Variants in GRIN3A observed in about 807,000 individuals in gnomAD.
The protein encoded by GRIN3A is glutamate receptor ionotropic, NMDA 3A.
GRIN3A carries 47 observed loss-of-function variants against 92.4 expected under a neutral mutation model. The ratio of observed to expected loss-of-function variants is 0.51; its 90% CI spans 0.40 to 0.65. GRIN3A has a LOEUF of 0.65. GRIN3A is among the 30% of genes least tolerant of loss of function. The pLI is 0.00. For missense variants in GRIN3A, 1,324 were observed against 1,393.1 expected, an observed-to-expected ratio of 0.95 and a Z score of 0.79; for synonymous variants, 527 against 540.6, an observed-to-expected ratio of 0.97 and a Z score of 0.35.
chr9:101,695,135 C>A (rs1261068346), intron 1 of GRIN3A, among the ~76,000 whole-genome samples: 1 of 152,084 alleles, frequency 6.6e-6, no homozygotes, highest in East Asian at 1.9e-4. Context: ...CAGTCATACC[C>A]AGAAAGTGTT....
At chr9:101,611,957 G>T (rs995247743) in intron 6 of GRIN3A, among the ~76,000 whole-genome samples, 6 of 152,224 alleles carry the variant, frequency 3.9e-5, no homozygotes, top group Non-Finnish European at 8.8e-5. Context: ...AACAGCCTGT[G>T]CAGGGAAGCC....
At chr9:101,613,279 A>C (rs1319895620) in intron 6 of GRIN3A, 97 bp downstream of exon 6, 6 of 1,272,074 alleles carry the variant, frequency 4.7e-6, no homozygotes, top group Middle Eastern at 2.4e-4. Context: ...TAGTAAATGC[A>C]ATAACCTAGA....
chr9:101,672,848 C>G (rs796378795), intron 2 of GRIN3A, among the ~76,000 whole-genome samples: 7 of 152,198 alleles, frequency 4.6e-5, no homozygotes, highest in African/African-American at 1.7e-4. Flanking sequence ...GAAGTCTCAG[C>G]TATCTTAGAT....
chr9:101,606,164 A>G (rs1028484051), intron 6 of GRIN3A, among the ~76,000 whole-genome samples: 4 of 152,206 alleles, frequency 2.6e-5, no homozygotes, highest in Non-Finnish European at 5.9e-5. Flanking sequence ...ACTCTCAGAC[A>G]GTTGGGTTGC....
intron 1 of GRIN3A, among the ~76,000 whole-genome samples, chr9:101,688,909 A>G (rs757211382): frequency 2.0e-5 from 3 of 152,166 alleles, no homozygotes; most frequent in African/African-American, 7.2e-5. Flanking sequence ...TAGTGACAAG[A>G]TCAGATGTGA....
At chr9:101,685,388 G>A in intron 2 of GRIN3A, among the ~76,000 whole-genome samples, 1 of 147,142 alleles carries the variant, frequency 6.8e-6, no homozygotes, top group East Asian at 2.0e-4. Context: ...GAAGTTATGA[G>A]TTTGCCTTGT....
intron 2 of GRIN3A, among the ~76,000 whole-genome samples, chr9:101,682,574 C>G (rs1176200120): frequency 6.6e-6 from 1 of 152,226 alleles, no homozygotes; most frequent in Non-Finnish European, 1.5e-5. Flanking sequence ...GTCTACCCGA[C>G]CATAGTTCAA....
intron 1 of GRIN3A, among the ~76,000 whole-genome samples, chr9:101,703,849 G>A (rs994296920): frequency 1.7e-4 from 26 of 151,908 alleles, no homozygotes; most frequent in African/African-American, 6.0e-4. Flanking sequence ...TGTCTTTTTG[G>A]CTGCCTCTGT....
chr9:101,658,760 G>GTCTATCTATCTATCTA (rs60257626), intron 3 of GRIN3A, among the ~76,000 whole-genome samples: 2,132 of 151,446 alleles, frequency 0.014, 36 homozygotes, highest in East Asian at 0.067. Context: ...CTGTCTATCT[G>GTCTATCTATCTATCTA]TCTATCTATC....
chr9:101,672,394 C>A (rs4266702), intron 2 of GRIN3A, among the ~76,000 whole-genome samples: 29,322 of 151,992 alleles, frequency 0.19, 3,190 homozygotes, highest in Non-Finnish European at 0.25. Flanking sequence ...AATTTTAATA[C>A]AATTTTAAAA....
chr9:101,638,712 A>C (rs12684278), intron 3 of GRIN3A, among the ~76,000 whole-genome samples: 2 of 152,356 alleles, frequency 1.3e-5, no homozygotes, highest in East Asian at 3.9e-4. Context: ...ACCAACTTCT[A>C]TAAGTTTATG....
At chr9:101,660,131 A>G (rs990254473) in intron 3 of GRIN3A, among the ~76,000 whole-genome samples, 21 of 151,800 alleles carry the variant, frequency 1.4e-4, no homozygotes, top group African/African-American at 5.1e-4. Flanking sequence ...ATATACCACC[A>G]GGGATCCAAA....
rs1388821911 is a variant in GRIN3A, at chr9:101,670,101, C to T, written c.2311G>A (p.Glu771Lys). 4.3e-6 allele frequency: 7 copies of T among 1,613,828 alleles called. No homozygotes were observed. Among genetic ancestry groups the T allele is most frequent in the Non-Finnish European group, 5.9e-6 (7 of 1,179,844 alleles). ...CCAGAAAGCTCTTCATAGATCTTCT[C>T]ACCTACCATGACAGCAGCCAAGTTT... ...TANLAAVMVG[E>K]KIYEELSGIH... The change falls in exon 3 of 9, where the codon GAG becomes AAG. Residue 771 changes from glutamate to lysine, a missense_variant. Physicochemically the swap from Glu to Lys is moderately conservative, Grantham distance 56. Transcript: ENST00000361820.
chr9:101,654,353 T>G (rs1201357224), intron 3 of GRIN3A, among the ~76,000 whole-genome samples: 2 of 149,872 alleles, frequency 1.3e-5, no homozygotes, highest in Non-Finnish European at 3.0e-5. Context: ...CTTTATATTT[T>G]CCATTATATA....
At chr9:101,733,487 C>T (rs918604407) in intron 1 of GRIN3A, among the ~76,000 whole-genome samples, 5 of 152,130 alleles carry the variant, frequency 3.3e-5, no homozygotes, top group Non-Finnish European at 5.9e-5. Context: ...CAATTAGATG[C>T]GACTATCAGC....
chr9:101,673,605 A>G lies in GRIN3A; in HGVS notation c.1305-2498T>C, dbSNP rs538736941. On this transcript the variant is annotated intron_variant, in intron 2 of 8. Transcript: ENST00000361820. ...ATGGAATGACAATGCATAGCAAAAT[A>G]TAAATGCTCACTAAATTAGTTAAAA... Among the ~76,000 whole-genome samples, 18 of 152,296 alleles carry G rather than the reference A, an allele frequency of 1.2e-4. No homozygotes were observed. The East Asian group carries it at 3.3e-3, about 28-fold the overall frequency.
chr9:101,711,606 G>T (rs1829880235), intron 1 of GRIN3A, among the ~76,000 whole-genome samples: 1 of 152,122 alleles, frequency 6.6e-6, no homozygotes, highest in African/African-American at 2.4e-5. Flanking sequence ...TTCTGTCTCT[G>T]ATTTGCTTTC....
intron 2 of GRIN3A, among the ~76,000 whole-genome samples, chr9:101,674,370 T>C (rs1351096674): frequency 6.6e-6 from 1 of 152,106 alleles, no homozygotes; most frequent in Non-Finnish European, 1.5e-5. Context: ...TTGCTTCCTC[T>C]TTTACTCTCT....
At chr9:101,724,043 CTGGCTTCACCCAG>C (rs1331108254) in intron 1 of GRIN3A, among the ~76,000 whole-genome samples, 1 of 152,226 alleles carries the variant, frequency 6.6e-6, no homozygotes, top group Admixed American at 6.5e-5. Context: ...AGGAGCCCAG[CTGGCTTCACCCAG>C]TGGATCCTGC....
Sources: allele counts gnomAD v4.1 joint callset (sites outside exome capture counted in the v4.1 genomes callset), GRCh38; gene constraint gnomAD v4.1.1; transcripts MANE v1.5; gene names NCBI Gene and HGNC (gene_info 2026-07-23, HGNC 2026-07-21).